Variants in OSBPL3 observed in about 807,000 individuals in gnomAD.
OSBPL3 encodes the protein oxysterol binding protein like 3, also known as oxysterol-binding protein-related protein 3.
In OSBPL3, 65 loss-of-function variants were observed where a neutral mutation model predicts 120.1. The observed-to-expected ratio is 0.54, with a 90% CI of 0.44 to 0.67. The LOEUF is 0.67. Ranked by LOEUF, OSBPL3 falls within the 30% of genes least tolerant of loss-of-function variation. The pLI is 0.00. For missense variants in OSBPL3, 1,004 were observed against 1,082.1 expected, an observed-to-expected ratio of 0.93 and a Z score of 1.01; for synonymous variants, 416 against 402.6, an observed-to-expected ratio of 1.03 and a Z score of -0.40.
At position 24,863,061 on chromosome 7, in the gene OSBPL3, G is replaced by A. The variant is rs549439539; in HGVS notation, c.870+139C>T. On this transcript the variant is annotated intron_variant, in intron 9 of 22. Transcript: ENST00000313367. This position sits in a 1 kb window ranked among gnomAD's most constrained non-coding sequence, Gnocchi z 5.8. ...TAATCTAAGTGATTCAATTCATCTC[G>A]CTACAGAGGACACTGGAAAGAACAA... 7.3e-5 allele frequency: 47 copies of A among 645,846 alleles called. No homozygotes were observed. In the Admixed American group the frequency reaches 7.4e-4, roughly 10 times the overall value. The allele number at this position is 645,846 out of a possible 1,614,324, so 40.0% of individuals were successfully genotyped here. A position where few individuals can be genotyped will look rare whatever the true frequency, so the allele number is the denominator to read the frequency against.
intron 1 of OSBPL3, among the ~76,000 whole-genome samples, chr7:24,908,762 C>A (rs1417547008): frequency 3.3e-5 from 5 of 152,196 alleles, no homozygotes; most frequent in Non-Finnish European, 5.9e-5. Context: ...ATGTTCTCCT[C>A]CTCTGTTATT....
At chr7:24,893,988 A>G (rs7793090) in intron 1 of OSBPL3, among the ~76,000 whole-genome samples, 2,274 of 150,320 alleles carry the variant, frequency 0.015, 63 homozygotes, top group African/African-American at 0.052. Flanking sequence ...ATATACATAC[A>G]TATATATATA....
chr7:24,927,036 T>C (rs184285362), intron 1 of OSBPL3, among the ~76,000 whole-genome samples: 2 of 152,374 alleles, frequency 1.3e-5, no homozygotes, highest in East Asian at 3.9e-4. Context: ...TAGTGAGCTT[T>C]GGATTCCAAG....
intron 5 of OSBPL3, among the ~76,000 whole-genome samples, chr7:24,866,789 ATGAG>A (rs1418013680): frequency 2.6e-5 from 4 of 152,204 alleles, no homozygotes; most frequent in Non-Finnish European, 5.9e-5. Context: ...TTGGCTTTCT[ATGAG>A]TAAGTCCAAC....
chr7:24,837,003 T>G (rs924799962), intron 14 of OSBPL3, among the ~76,000 whole-genome samples: 1 of 151,638 alleles, frequency 6.6e-6, no homozygotes, highest in Admixed American at 6.6e-5. Context: ...CCTGGCTAAT[T>G]TTTTGTATTT....
In OSBPL3 at chr7:24,820,466, C is replaced by A. The variant is rs546843610; in HGVS notation, c.1885-228G>T. ...TGAGGGGAAGGCCCTTGAACGGAAG[C>A]CTCCAGAAGCCTCCGTGGGAGGGCG... On this transcript the variant is annotated intron_variant, in intron 16 of 22. Coordinates refer to ENST00000313367, the MANE Select transcript of OSBPL3 (RefSeq NM_015550.4). The surrounding 1 kb of genome is among the most constrained non-coding windows in gnomAD (Gnocchi z 4.6). Among the ~76,000 whole-genome samples the A allele has an allele frequency of 6.6e-6, 1 of 152,256 alleles. No individual in the cohort carries two copies. The highest frequency in any genetic ancestry group is 2.1e-4 in the South Asian group (1 of 4,826).
intron 1 of OSBPL3, among the ~76,000 whole-genome samples, chr7:24,911,309 T>C (rs77615834): frequency 0.035 from 5,332 of 152,292 alleles, 117 homozygotes; most frequent in Non-Finnish European, 0.055. Context: ...GACAACTGCT[T>C]GCGGAAGCTT....
chr7:24,906,804 C>T (rs1014338129), intron 1 of OSBPL3, among the ~76,000 whole-genome samples: 1 of 152,084 alleles, frequency 6.6e-6, no homozygotes, highest in African/African-American at 2.4e-5. Flanking sequence ...AGTTTTGTCC[C>T]TCATCCACTT....
At position 24,854,160 on chromosome 7, in the gene OSBPL3, T is replaced by G. The variant is rs1799517955; in HGVS notation, c.1028-1526A>C. 6.6e-6 allele frequency among the ~76,000 whole-genome samples: 1 copy of G among 151,738 alleles called. No individual in the cohort carries two copies. Among genetic ancestry groups the G allele is most frequent in the Non-Finnish European group, 1.5e-5 (1 of 68,028 alleles). ...ATGAGGAAGCTGTTATCTAAATTAC[T>G]GATCGTGGCTATCACATTTGAATAT... On this transcript the variant is annotated intron_variant, in intron 10 of 22. Transcript: ENST00000313367. The surrounding 1 kb of genome is among the most constrained non-coding windows in gnomAD (Gnocchi z 4.1).
chr7:24,872,187 G>T lies in OSBPL3; in HGVS notation c.97-118C>A, dbSNP rs1199472471. 1 of 716,354 alleles carries T rather than the reference G, an allele frequency of 1.4e-6. No homozygotes were observed. The highest frequency in any genetic ancestry group is 2.6e-5 in the East Asian group (1 of 38,610). 44.4% of individuals were successfully genotyped at this position (716,354 alleles called of 1,614,324 possible). ...GATGGGGAGGCTGGCTGGGTTTGTTGGGGAGAAGAAATCCAAATTTAATTT... is the reference window on the plus strand; with the variant it reads ...GATGGGGAGGCTGGCTGGGTTTGTTTGGGAGAAGAAATCCAAATTTAATTT... On this transcript the variant is annotated intron_variant, in intron 2 of 22. Transcript: ENST00000313367. This position sits in a 1 kb window ranked among gnomAD's most constrained non-coding sequence, Gnocchi z 4.1.
intron 10 of OSBPL3, among the ~76,000 whole-genome samples, chr7:24,857,524 A>G (rs1342937815): frequency 6.6e-6 from 1 of 152,230 alleles, no homozygotes; most frequent in African/African-American, 2.4e-5. Context: ...TGAGAACCAA[A>G]AGAGTCAGGA....
intron 7 of OSBPL3, among the ~76,000 whole-genome samples, chr7:24,864,356 C>T (rs1230108744): frequency 6.6e-6 from 1 of 152,216 alleles, no homozygotes; most frequent in Non-Finnish European, 1.5e-5. Context: ...AACCACAGCT[C>T]GTTGGGCTCC....
chr7:24,843,730 C>A (rs955288408), intron 12 of OSBPL3, among the ~76,000 whole-genome samples: 1 of 152,154 alleles, frequency 6.6e-6, no homozygotes, highest in Non-Finnish European at 1.5e-5. Context: ...GAAAACCAAG[C>A]CTCTTCTCTA....
chr7:24,957,606 CTT>C lies in OSBPL3; in HGVS notation c.-150+22278_-150+22279del, dbSNP rs372223267. ...TGTAAGTTATTTCTTAAATAATACA[CTT>C]AATGTTCTCTAATATCAACCACTGA... On this transcript the variant is annotated intron_variant, in intron 1 of 22. Coordinates refer to ENST00000313367, the MANE Select transcript of OSBPL3 (RefSeq NM_015550.4). Among the ~76,000 whole-genome samples, 170 of 152,278 alleles carry C rather than the reference CTT, an allele frequency of 1.1e-3. 4 individuals are homozygous for C. The highest frequency in any genetic ancestry group is 3.2e-3 in the African/African-American group (134 of 41,558).
At chr7:24,848,324 A>C (rs1468479312) in intron 12 of OSBPL3, among the ~76,000 whole-genome samples, 1 of 152,236 alleles carries the variant, frequency 6.6e-6, no homozygotes, top group Non-Finnish European at 1.5e-5. Context: ...TTTTAAGTGT[A>C]CTCAGTCTAA....
intron 1 of OSBPL3, among the ~76,000 whole-genome samples, chr7:24,925,923 A>G (rs1485032925): frequency 1.3e-5 from 2 of 152,256 alleles, no homozygotes; most frequent in African/African-American, 4.8e-5. Flanking sequence ...ACAAGATGAT[A>G]TAACTGGAAT....
rs1554411355 is a variant in OSBPL3, at chr7:24,938,779, A to ATGTGTGAGTC, written c.-150+41106_-150+41107insGACTCACACA. Reference sequence around the variant, plus strand: ...AACTGAATAATGAGGTTTTGTTTTGATGTGTGTGTGTGTGTGTGTGTGTGT... The same window carrying ATGTGTGAGTC: ...AACTGAATAATGAGGTTTTGTTTTGATGTGTGAGTCTGTGTGTGTGTGTGTGTGTGTGTGT... On this transcript the variant is annotated intron_variant, in intron 1 of 22. Transcript: ENST00000313367. The surrounding 1 kb of genome is among the most constrained non-coding windows in gnomAD (Gnocchi z 5.8). 1.1e-5 allele frequency among the ~76,000 whole-genome samples: 1 copy of ATGTGTGAGTC among 94,234 alleles called. No individual in the cohort carries two copies. The highest frequency in any genetic ancestry group is 2.2e-5 in the Non-Finnish European group (1 of 45,128). 61.8% of individuals were successfully genotyped at this position (94,234 alleles called of 152,430 possible). A position where few individuals can be genotyped will look rare whatever the true frequency, so the allele number is the denominator to read the frequency against.
intron 10 of OSBPL3, among the ~76,000 whole-genome samples, chr7:24,857,360 C>T (rs1199080320): frequency 1.3e-5 from 2 of 152,170 alleles, no homozygotes; most frequent in Non-Finnish European, 2.9e-5. Context: ...CTGTCTTGTT[C>T]CTTGCTTTGC....
In OSBPL3 at chr7:24,897,102, AAGGCAGGC is replaced by A. The variant is rs202118110; in HGVS notation, c.-149-4489_-149-4482del. Among the ~76,000 whole-genome samples the A allele has an allele frequency of 5.4e-3, 819 of 151,662 alleles. 13 individuals carry two copies. The highest frequency in any genetic ancestry group is 0.019 in the African/African-American group (783 of 41,318). ...GAAGAGAGGGAGGGAGGGAGGAAGG[AAGGCAGGC>A]AGGCAGGCAGGCAAGAAGGAAGGAA... On this transcript the variant is annotated intron_variant, in intron 1 of 22. Coordinates refer to ENST00000313367, the MANE Select transcript of OSBPL3 (RefSeq NM_015550.4).
Sources: allele counts gnomAD v4.1 joint callset (sites outside exome capture counted in the v4.1 genomes callset), GRCh38; gene constraint gnomAD v4.1.1; non-coding constraint Gnocchi (gnomAD v3.1); transcripts MANE v1.5; gene names NCBI Gene and HGNC (gene_info 2026-07-23, HGNC 2026-07-21).